IMPACT: variants seen among roughly 807,000 people sequenced by gnomAD.
IMPACT encodes impact RWD domain protein.
In IMPACT, 35 loss-of-function variants were observed where a neutral mutation model predicts 47.5. The observed-to-expected ratio is 0.74, with a 90% CI of 0.56 to 0.98. The LOEUF is 0.98. Ranked by LOEUF, IMPACT falls within the 50% of genes least tolerant of loss-of-function variation. The pLI, the probability that IMPACT is intolerant of heterozygous loss-of-function variation, is 0.00. For missense variants in IMPACT, 373 were observed against 394.8 expected (o/e 0.94, Z 0.47); for synonymous variants, 118 against 125.6 (o/e 0.94, Z 0.40).
intron 4 of IMPACT, among the ~76,000 whole-genome samples, chr18:24,435,063 T>C (rs1908888590): frequency 2.0e-5 from 3 of 151,368 alleles, no homozygotes; most frequent in Admixed American, 2.0e-4. Flanking sequence ...AGCCTTGACC[T>C]CCTGGGCCCA....
In IMPACT at chr18:24,428,937, A is replaced by C; in HGVS notation, c.218+16A>C. 1 of 1,582,314 alleles carries C rather than the reference A, an allele frequency of 6.3e-7. No homozygotes were observed. The highest frequency in any genetic ancestry group is 2.2e-5 in the East Asian group (1 of 44,646). ...ACCAGTTGAAGTAAGCTGTATTTCT[A>C]CGTTTATATTGCTATAAAAAGATTC... On this transcript the variant is annotated intron_variant, in intron 3 of 10. Transcript: ENST00000284202.
intron 9 of IMPACT, 146 bp downstream of exon 9, chr18:24,448,329 T>C (rs1207722607): frequency 2.0e-6 from 1 of 489,280 alleles, no homozygotes; most frequent in African/African-American, 1.9e-5. Context: ...TGTTAAAATA[T>C]TGATTGAATG....
rs1240379388 is a variant in IMPACT, at chr18:24,429,034, A to G, written c.218+113A>G. On this transcript the variant is annotated intron_variant, in intron 3 of 10. Transcript: ENST00000284202. ...CTTTCTTATTAACATGTATATAGAA[A>G]TTAAAAATACCTTTTGGGTTTGGTA... 3 of 639,592 alleles carry G rather than the reference A, an allele frequency of 4.7e-6. No homozygotes were observed. The African/African-American group carries it at 5.7e-5, about 12-fold the overall frequency. 39.6% of individuals were successfully genotyped at this position (639,592 alleles called of 1,614,324 possible). A position where few individuals can be genotyped will look rare whatever the true frequency, so the allele number is the denominator to read the frequency against.
At chr18:24,449,502 C>G (rs1308879692) in intron 9 of IMPACT, among the ~76,000 whole-genome samples, 1 of 152,184 alleles carries the variant, frequency 6.6e-6, no homozygotes, top group East Asian at 1.9e-4. Context: ...CTTAGCTGTT[C>G]TGGTTGAAGT....
chr18:24,432,154 A>G (rs1193811248), intron 4 of IMPACT, among the ~76,000 whole-genome samples: 1 of 152,204 alleles, frequency 6.6e-6, no homozygotes, highest in Non-Finnish European at 1.5e-5. Context: ...CCTGGCCATG[A>G]TAATATTTTC....
At chr18:24,434,763 C>CAAAAA (rs1189196177) in intron 4 of IMPACT, among the ~76,000 whole-genome samples, 4 of 45,148 alleles carry the variant, frequency 8.9e-5, no homozygotes, top group African/African-American at 2.0e-4. Flanking sequence ...AACTCTGTCT[C>CAAAAA]AAAAAAAAAA....
chr18:24,448,900 T>C (rs1310640963), intron 9 of IMPACT, among the ~76,000 whole-genome samples: 1 of 152,212 alleles, frequency 6.6e-6, no homozygotes, highest in Non-Finnish European at 1.5e-5. Context: ...TCATTAATTT[T>C]AGGATTGGAT....
chr18:24,445,019 A>G (rs530125900), intron 7 of IMPACT, among the ~76,000 whole-genome samples: 9 of 152,212 alleles, frequency 5.9e-5, no homozygotes, highest in Non-Finnish European at 1.2e-4. Flanking sequence ...CATTTGGAAC[A>G]TACCACTATT....
intron 6 of IMPACT, 103 bp from the exon 7 acceptor site, chr18:24,442,946 G>C: frequency 1.7e-6 from 1 of 575,648 alleles, no homozygotes; most frequent in South Asian, 2.3e-5. Context: ...TAGTTGATTT[G>C]CCATGTAATT....
chr18:24,443,801 A>G (rs1415400477), intron 7 of IMPACT, among the ~76,000 whole-genome samples: 1 of 152,176 alleles, frequency 6.6e-6, no homozygotes, highest in African/African-American at 2.4e-5. Context: ...AACTATTCCT[A>G]GGTCTTTGCC....
At position 24,453,410 on chromosome 18, in the gene IMPACT, G is replaced by C. The variant is rs946317775; in HGVS notation, c.*2563G>C. Reference sequence around the variant, plus strand: ...TCTTATGCATGATTTTGTATATATGGTTATTTTTCTTTCCATAAAAATGGT... The same window carrying C: ...TCTTATGCATGATTTTGTATATATGCTTATTTTTCTTTCCATAAAAATGGT... On this transcript the variant is annotated 3_prime_UTR_variant, in exon 11 of 11. Transcript: ENST00000284202. The C allele has an allele frequency of 2.6e-5, 4 of 151,834 alleles. No homozygotes were observed. Among genetic ancestry groups the C allele is most frequent in the Non-Finnish European group, 5.9e-5 (4 of 67,972 alleles). 9.4% of individuals were successfully genotyped at this position (151,834 alleles called of 1,614,324 possible).
At chr18:24,430,834 C>T (rs1908736431) in intron 4 of IMPACT, among the ~76,000 whole-genome samples, 1 of 152,118 alleles carries the variant, frequency 6.6e-6, no homozygotes, top group South Asian at 2.1e-4. Context: ...AGATACTGCT[C>T]TTGATTTGGT....
intron 10 of IMPACT, 89 bp downstream of exon 10, chr18:24,450,042 A>G (rs151082614): frequency 2.9e-6 from 4 of 1,377,550 alleles, no homozygotes; most frequent in African/African-American, 2.9e-5. Flanking sequence ...ATGAATCAGA[A>G]TGTGAGTGGT....
At position 24,443,268 on chromosome 18, in the gene IMPACT, T is replaced by C. The variant is rs955582180; in HGVS notation, c.594+116T>C. The C allele has an allele frequency of 1.0e-5, 5 of 499,346 alleles. No individual in the cohort carries two copies. The South Asian group carries it at 1.7e-4, about 17-fold the overall frequency. 30.9% of individuals were successfully genotyped at this position (499,346 alleles called of 1,614,324 possible). On this transcript the variant is annotated intron_variant, in intron 7 of 10. Coordinates refer to ENST00000284202, the MANE Select transcript of IMPACT (RefSeq NM_018439.4). ...TTTTATTTTCATATAAGATAAAAAT[T>C]ATTTGTTCATTTTTCTACTCCCAAA...
chr18:24,447,539 A>T (rs923380457), intron 8 of IMPACT, among the ~76,000 whole-genome samples: 2 of 152,208 alleles, frequency 1.3e-5, no homozygotes, highest in Non-Finnish European at 2.9e-5. Flanking sequence ...GGAAAATTTA[A>T]ATCTTTACAT....
chr18:24,432,729 T>A (rs1908789348), intron 4 of IMPACT, among the ~76,000 whole-genome samples: 1 of 151,722 alleles, frequency 6.6e-6, no homozygotes, highest in South Asian at 2.1e-4. Flanking sequence ...ATAAGATCAG[T>A]ATACTGTGGA....
chr18:24,451,013 T>C lies in IMPACT; in HGVS notation c.*166T>C. Reference sequence around the variant, plus strand: ...TCTTGGTTATATCATCTGCCAAAAATAGAGAACTTATGATCTATTCATGTG... The same window carrying C: ...TCTTGGTTATATCATCTGCCAAAAACAGAGAACTTATGATCTATTCATGTG... On this transcript the variant is annotated 3_prime_UTR_variant, in exon 11 of 11. Transcript: ENST00000284202. The C allele has an allele frequency of 3.9e-6, 2 of 509,680 alleles. No homozygotes were observed. Among genetic ancestry groups the C allele is most frequent in the Non-Finnish European group, 7.1e-6 (2 of 281,328 alleles). 31.6% of individuals were successfully genotyped at this position (509,680 alleles called of 1,614,324 possible). A position where few individuals can be genotyped will look rare whatever the true frequency, so the allele number is the denominator to read the frequency against.
chr18:24,428,452 T>G (rs1908668555), intron 2 of IMPACT, among the ~76,000 whole-genome samples: 1 of 152,180 alleles, frequency 6.6e-6, no homozygotes, highest in Non-Finnish European at 1.5e-5. Context: ...AATGATCAGT[T>G]GTAGTTAGGA....
rs751156720 is a variant in IMPACT at position 24,443,102 on chromosome 18, C to T, written c.544C>T (p.Arg182Ter). The T allele has an allele frequency of 6.2e-6, 10 of 1,607,526 alleles. No homozygotes were observed. Among genetic ancestry groups the T allele is most frequent in the South Asian group, 2.2e-5 (2 of 90,500 alleles). The change falls in exon 7 of 11, where the codon CGA (arginine) becomes TGA (stop). Residue 182 changes from arginine to a stop codon, truncating the protein, a stop_gained. Coordinates refer to ENST00000284202, the MANE Select transcript of IMPACT (RefSeq NM_018439.4). LOFTEE classifies it high-confidence loss of function. ...PIDHGIPITDRRSTFQAHLAP... is the reference protein window; with the variant it reads ...PIDHGIPITD ...TGATCATGGCATTCCTATTACAGAC[C>T]GAAGAAGTACTTTTCAGGCACACTT...
Sources: allele counts gnomAD v4.1 joint callset (sites outside exome capture counted in the v4.1 genomes callset), GRCh38; gene constraint gnomAD v4.1.1; transcripts MANE v1.5; gene names NCBI Gene and HGNC (gene_info 2026-07-23, HGNC 2026-07-21).